Variants in ADGRV1 observed in about 807,000 individuals in gnomAD.
ADGRV1 encodes G-protein coupled receptor 98.
In ADGRV1, 359 loss-of-function variants were observed where a neutral mutation model predicts 596.2. The observed-to-expected ratio is 0.60, with a 90% confidence interval of 0.55 to 0.66. The LOEUF is 0.66. Ranked by LOEUF, ADGRV1 falls within the 30% of genes least tolerant of loss-of-function variation. The pLI is 0.00. For synonymous variants in ADGRV1, 2,681 were observed against 2,679.2 expected (o/e 1.00, Z -0.02); for missense variants, 7,274 against 7,575.6 (o/e 0.96, Z 1.48).
intron 85 of ADGRV1, among the ~76,000 whole-genome samples, chr5:90,986,111 CAT>C (rs372775378): frequency 8.8e-4 from 120 of 135,988 alleles, no homozygotes; most frequent in African/African-American, 2.1e-3. Context: ...ATATATTATG[CAT>C]ATATATATAT....
At chr5:91,142,118 G>T (rs951079216) in intron 87 of ADGRV1, among the ~76,000 whole-genome samples, 2 of 152,142 alleles carry the variant, frequency 1.3e-5, no homozygotes, top group Non-Finnish European at 2.9e-5. Context: ...AGCTATAGTG[G>T]TGATAGAATT....
intron 1 of ADGRV1, among the ~76,000 whole-genome samples, chr5:90,591,584 G>A (rs1580371384): frequency 6.6e-6 from 1 of 152,078 alleles, no homozygotes; most frequent in South Asian, 2.1e-4. Flanking sequence ...ATTTGCTAAA[G>A]GAAAGGCATA....
At chr5:90,583,222 T>C (rs1758296169) in intron 1 of ADGRV1, among the ~76,000 whole-genome samples, 1 of 152,150 alleles carries the variant, frequency 6.6e-6, no homozygotes, top group African/African-American at 2.4e-5. Context: ...CTTAGTATAA[T>C]ATATGATTAA....
At chr5:90,943,025 A>G (rs1776286415) in intron 83 of ADGRV1, among the ~76,000 whole-genome samples, 1 of 152,200 alleles carries the variant, frequency 6.6e-6, no homozygotes, top group Non-Finnish European at 1.5e-5. Context: ...ATAAGTAATC[A>G]GCAAGATTTG....
chr5:90,713,340 CTTT>C (rs540515777), intron 42 of ADGRV1, among the ~76,000 whole-genome samples: 1 of 135,736 alleles, frequency 7.4e-6, no homozygotes, highest in Non-Finnish European at 1.6e-5. Context: ...CCCCAGAAGC[CTTT>C]TTTTTTTTTT....
At position 90,927,545 on chromosome 5, in the gene ADGRV1, G is replaced by A. The variant is rs932763472; in HGVS notation, c.17857-37870G>A. Among the ~76,000 whole-genome samples the A allele has an allele frequency of 5.3e-5, 8 of 152,096 alleles. No individual in the cohort carries two copies. The East Asian group carries it at 7.7e-4, about 15-fold the overall frequency. ...ATATGTGTCTCTGCACGTGAGATGC[G>A]TTTCCTGAATACAGCACACTGATGG... On this transcript the variant is annotated intron_variant, in intron 83 of 89. Transcript: ENST00000405460.
intron 58 of ADGRV1, among the ~76,000 whole-genome samples, chr5:90,761,159 G>A (rs996451890): frequency 6.6e-6 from 1 of 152,012 alleles, no homozygotes; most frequent in Non-Finnish European, 1.5e-5. Flanking sequence ...CAGCTTGCCT[G>A]CAAGGGCTGG....
chr5:91,040,011 G>A (rs147400758), intron 85 of ADGRV1, among the ~76,000 whole-genome samples: 101 of 152,130 alleles, frequency 6.6e-4, no homozygotes, highest in African/African-American at 2.1e-3. Context: ...GATGAGTAAT[G>A]GGTAGAAAAT....
intron 70 of ADGRV1, among the ~76,000 whole-genome samples, chr5:90,799,284 C>A (rs1761094130): frequency 6.6e-6 from 1 of 152,078 alleles, no homozygotes; most frequent in Admixed American, 6.6e-5. Context: ...ACACCAATAA[C>A]AAACAAACAG....
intron 83 of ADGRV1, among the ~76,000 whole-genome samples, chr5:90,913,058 T>G (rs1487320509): frequency 1.3e-5 from 2 of 152,200 alleles, no homozygotes; most frequent in Non-Finnish European, 2.9e-5. Context: ...AAGTTTCTCA[T>G]TATTAAAATA....
intron 1 of ADGRV1, among the ~76,000 whole-genome samples, chr5:90,609,814 A>G (rs1329161611): frequency 2.0e-5 from 3 of 152,014 alleles, no homozygotes; most frequent in Middle Eastern, 3.2e-3. Context: ...CGTTCATTCA[A>G]TTCTGCACTA....
chr5:90,634,016 T>G (rs2149397957), intron 9 of ADGRV1, among the ~76,000 whole-genome samples: 1 of 152,294 alleles, frequency 6.6e-6, no homozygotes, highest in Non-Finnish European at 1.5e-5. Context: ...TTACTTAGTG[T>G]CATCATTTCA....
At position 90,653,605 on chromosome 5, in the gene ADGRV1, A is replaced by G. The variant is rs762430213; in HGVS notation, c.4031A>G (p.Tyr1344Cys). Reference protein sequence around the residue: ...EGAFGTVNPKYHPSRNNTIAN... With the variant: ...EGAFGTVNPKCHPSRNNTIAN... The stretch of plus-strand genomic sequence containing the variant: ...GCATTTGGGACTGTTAATCCAAAAT[A>G]CCATCCCTCCAGGAATAATACAATT... Residue 1344 changes from tyrosine (Y) to cysteine (C), a missense_variant, in exon 20 of 90, where the codon TAC becomes TGC. Physicochemically the swap from Tyr to Cys is radical, Grantham distance 194. This residue lies in a region of ADGRV1 where 1,715 missense variants were observed against 1,708.8 expected (regional missense o/e 1.00). Transcript: ENST00000405460. The G allele has an allele frequency of 6.2e-7, 1 of 1,613,800 alleles. No homozygotes were observed. The highest frequency in any genetic ancestry group is 8.5e-7 in the Non-Finnish European group (1 of 1,179,818).
intron 48 of ADGRV1, among the ~76,000 whole-genome samples, chr5:90,726,677 G>GTGTGTGTT (rs1751833915): frequency 1.3e-5 from 2 of 151,992 alleles, no homozygotes; most frequent in Non-Finnish European, 2.9e-5. Context: ...GTGTGTGTGT[G>GTGTGTGTT]TGTGTGATCC....
chr5:91,023,793 T>C (rs1040461244), intron 85 of ADGRV1, among the ~76,000 whole-genome samples: 2 of 152,162 alleles, frequency 1.3e-5, no homozygotes, highest in African/African-American at 4.8e-5. Context: ...AAGAGATAGA[T>C]GAAAAACAGG....
At chr5:90,716,938 G>T in intron 43 of ADGRV1, 1 of 394,740 alleles carries the variant, frequency 2.5e-6, no homozygotes, top group Non-Finnish European at 4.5e-6. Context: ...ACTATTAATA[G>T]GGTAAAAGAA....
At chr5:90,680,327 A>G (rs968666247) in intron 26 of ADGRV1, among the ~76,000 whole-genome samples, 4 of 151,656 alleles carry the variant, frequency 2.6e-5, no homozygotes, top group African/African-American at 9.7e-5. Context: ...TGCACTCCAG[A>G]CTGGGTGACA....
chr5:90,694,865 T>G (rs1746987078), intron 33 of ADGRV1, among the ~76,000 whole-genome samples, 164 bp downstream of exon 33: 2 of 152,198 alleles, frequency 1.3e-5, no homozygotes, highest in South Asian at 4.1e-4. Flanking sequence ...TGTTAATGGT[T>G]GACATGACAT....
intron 78 of ADGRV1, among the ~76,000 whole-genome samples, chr5:90,843,794 T>C (rs555113364): frequency 2.6e-5 from 4 of 152,292 alleles, no homozygotes; most frequent in East Asian, 1.9e-4. Flanking sequence ...TTACTTCTTA[T>C]AACGATAAAA....
Sources: allele counts gnomAD v4.1 joint callset (sites outside exome capture counted in the v4.1 genomes callset), GRCh38; gene constraint gnomAD v4.1.1; regional missense constraint gnomAD v4.1.1; transcripts MANE v1.5; gene names NCBI Gene and HGNC (gene_info 2026-07-23, HGNC 2026-07-21).